SLAMF6: variants seen among roughly 807,000 people sequenced by gnomAD.
SLAMF6 encodes NK-T-B-antigen.
A neutral mutation model predicts 38.3 loss-of-function variants in SLAMF6; 21 were observed. That is an observed-to-expected ratio of 0.55 (90% confidence interval 0.39 to 0.79). SLAMF6 has a LOEUF of 0.79. Among genes scored for constraint, SLAMF6 ranks in the 30% least tolerant of loss-of-function variants. The pLI is 0.00. For synonymous variants in SLAMF6, 152 were observed against 146.3 expected (o/e 1.04, Z -0.28); for missense variants, 341 against 385.3 (o/e 0.89, Z 0.96).
intron 1 of SLAMF6, among the ~76,000 whole-genome samples, chr1:160,521,632 A>G (rs112290468): frequency 2.6e-5 from 4 of 152,168 alleles, no homozygotes; most frequent in Non-Finnish European, 5.9e-5. Context: ...AGCTTAACAT[A>G]TCTCTATGCC....
At position 160,491,390 on chromosome 1, in the gene SLAMF6, T is replaced by A; in HGVS notation, c.383-2A>T. The A allele has an allele frequency of 1.2e-6, 2 of 1,604,492 alleles. No individual in the cohort carries two copies. The highest frequency in any genetic ancestry group is 1.7e-6 in the Non-Finnish European group (2 of 1,175,456). ...TAACTTGTATGTTCCTCAGTTGTCC[T>A]GTTTGCAGAAAAAAAAAAGATCCAG... On this transcript the variant is annotated splice_acceptor_variant, in intron 2 of 7. Transcript: ENST00000368057. LOFTEE classifies it high-confidence loss of function.
chr1:160,516,368 G>C (rs1654743661), intron 1 of SLAMF6, among the ~76,000 whole-genome samples: 1 of 152,010 alleles, frequency 6.6e-6, no homozygotes, highest in South Asian at 2.1e-4. Flanking sequence ...ACAAACAAAT[G>C]GAAAAATATT....
intron 1 of SLAMF6, among the ~76,000 whole-genome samples, chr1:160,513,007 G>T (rs1194676850): frequency 6.6e-6 from 1 of 152,142 alleles, no homozygotes; most frequent in Non-Finnish European, 1.5e-5. Context: ...CTGGGCTCAG[G>T]CTGAGAAGGA....
intron 1 of SLAMF6, among the ~76,000 whole-genome samples, chr1:160,499,808 C>T (rs1044707026): frequency 6.6e-6 from 1 of 152,172 alleles, no homozygotes; most frequent in African/African-American, 2.4e-5. Context: ...CACTTCCTCT[C>T]TCTTTCATGA....
At chr1:160,497,076 CTT>C (rs2102028888) in intron 1 of SLAMF6, among the ~76,000 whole-genome samples, 1 of 152,234 alleles carries the variant, frequency 6.6e-6, no homozygotes, top group East Asian at 1.9e-4. Context: ...ACTCCAGTGA[CTT>C]TGTGCTGTCT....
At chr1:160,514,851 A>C (rs1055938345) in intron 1 of SLAMF6, among the ~76,000 whole-genome samples, 10 of 152,218 alleles carry the variant, frequency 6.6e-5, no homozygotes, top group Admixed American at 6.5e-4. Flanking sequence ...ATGCAGCTAA[A>C]GCAGCTGTTA....
intron 1 of SLAMF6, among the ~76,000 whole-genome samples, chr1:160,507,643 C>CA (rs1654260160): frequency 6.6e-6 from 1 of 151,950 alleles, no homozygotes; most frequent in African/African-American, 2.4e-5. Context: ...TATTAGGCCA[C>CA]AAAAACAAGT....
At chr1:160,493,301 C>T (rs1366967385) in intron 2 of SLAMF6, among the ~76,000 whole-genome samples, 1 of 152,168 alleles carries the variant, frequency 6.6e-6, no homozygotes, top group Non-Finnish European at 1.5e-5. Context: ...CACACTTCCT[C>T]ACTTCCAACA....
intron 1 of SLAMF6, among the ~76,000 whole-genome samples, chr1:160,499,199 C>T (rs528094518): frequency 1.3e-5 from 2 of 152,226 alleles, no homozygotes; most frequent in South Asian, 4.1e-4. Context: ...TGAGGTTTTA[C>T]ATTTAAATAT....
At chr1:160,507,010 T>C (rs1654224128) in intron 1 of SLAMF6, among the ~76,000 whole-genome samples, 2 of 152,006 alleles carry the variant, frequency 1.3e-5, no homozygotes, top group South Asian at 4.1e-4. Context: ...AGAAAAGAAA[T>C]GGCAAAATGC....
At chr1:160,518,563 C>T (rs1318773417) in intron 1 of SLAMF6, among the ~76,000 whole-genome samples, 2 of 152,010 alleles carry the variant, frequency 1.3e-5, no homozygotes, top group Non-Finnish European at 2.9e-5. Context: ...AAATGTGGTA[C>T]GTATACACCA....
intron 1 of SLAMF6, among the ~76,000 whole-genome samples, chr1:160,520,836 A>G (rs1654952871): frequency 6.6e-6 from 1 of 152,148 alleles, no homozygotes; most frequent in Non-Finnish European, 1.5e-5. Flanking sequence ...ACATTTTTGC[A>G]ACAGTGGTCT....
At chr1:160,488,729 G>T (rs1653104722) in intron 6 of SLAMF6, among the ~76,000 whole-genome samples, 2 of 152,272 alleles carry the variant, frequency 1.3e-5, no homozygotes, top group South Asian at 2.1e-4. Context: ...TTCAAACTTA[G>T]TGGAACTCTG....
At chr1:160,500,427 G>A (rs1011738506) in intron 1 of SLAMF6, among the ~76,000 whole-genome samples, 6 of 152,120 alleles carry the variant, frequency 3.9e-5, no homozygotes, top group Non-Finnish European at 7.4e-5. Flanking sequence ...TGTCTGGAAT[G>A]TACTTTCTCC....
intron 1 of SLAMF6, among the ~76,000 whole-genome samples, chr1:160,509,989 C>G: frequency 6.6e-6 from 1 of 151,856 alleles, no homozygotes; most frequent in Non-Finnish European, 1.5e-5. Flanking sequence ...TATATGCCAA[C>G]AAATTGAATA....
chr1:160,510,495 G>A (rs1391029360), intron 1 of SLAMF6, among the ~76,000 whole-genome samples: 1 of 151,944 alleles, frequency 6.6e-6, no homozygotes, highest in Non-Finnish European at 1.5e-5. Flanking sequence ...ATAGACTAAT[G>A]GCCATCTTAG....
Position 160,490,134 on chromosome 1 carries a change from T to TC in SLAMF6, c.796+63dup. 3 of 1,563,180 alleles carry TC rather than the reference T, an allele frequency of 1.9e-6. No individual in the cohort carries two copies. In the Admixed American group the frequency reaches 5.0e-5, roughly 26 times the overall value. ...ATTATCCAGCCCTCTGCCATCCCCC[T>TC]CTCTCTTCCATTTGGCTCTTCCCAT... is the stretch of plus-strand genomic sequence containing the variant. On this transcript the variant is annotated intron_variant, in intron 5 of 7. Coordinates refer to ENST00000368057, the MANE Select transcript of SLAMF6 (RefSeq NM_001184714.2).
At chr1:160,507,841 G>A (rs1654269573) in intron 1 of SLAMF6, among the ~76,000 whole-genome samples, 2 of 152,098 alleles carry the variant, frequency 1.3e-5, no homozygotes, top group South Asian at 4.2e-4. Context: ...GACACCAAGT[G>A]AAAACAAAAA....
At chr1:160,506,785 G>A (rs913391557) in intron 1 of SLAMF6, among the ~76,000 whole-genome samples, 7 of 152,252 alleles carry the variant, frequency 4.6e-5, no homozygotes, top group South Asian at 2.1e-4. Context: ...AAACAACATT[G>A]GAGCACAGTG....
Sources: allele counts gnomAD v4.1 joint callset (sites outside exome capture counted in the v4.1 genomes callset), GRCh38; gene constraint gnomAD v4.1.1; transcripts MANE v1.5; gene names NCBI Gene and HGNC (gene_info 2026-07-23, HGNC 2026-07-21).